Variants in MACROD2 observed in about 807,000 individuals in gnomAD.
MACROD2 encodes mono-ADP ribosylhydrolase 2, also known as ADP-ribose glycohydrolase MACROD2.
Under a neutral mutation model 70.4 loss-of-function variants are expected in MACROD2, and 36 were observed. The ratio of observed to expected loss-of-function variants is 0.51; its 90% CI spans 0.39 to 0.68. MACROD2 has a LOEUF of 0.68. Ranked by LOEUF, MACROD2 falls within the 30% of genes least tolerant of loss-of-function variation. The pLI is 0.00. For missense variants in MACROD2, 496 were observed against 538.4 expected (o/e 0.92, Z 0.78); for synonymous variants, 172 against 178.8 (o/e 0.96, Z 0.30).
chr20:15,016,356 T>C (rs1483910044), intron 5 of MACROD2, among the ~76,000 whole-genome samples: 1 of 152,204 alleles, frequency 6.6e-6, no homozygotes, highest in Non-Finnish European at 1.5e-5. Context: ...GGCTTCAGAC[T>C]GCTGACTCTC....
chr20:15,408,852 G>A (rs956022864), intron 6 of MACROD2, among the ~76,000 whole-genome samples: 40 of 152,154 alleles, frequency 2.6e-4, no homozygotes, highest in African/African-American at 8.4e-4. Context: ...GGTAAAACAC[G>A]TTGATTTGTG....
At chr20:14,274,186 T>C (rs536771032) in intron 3 of MACROD2, among the ~76,000 whole-genome samples, 4 of 151,910 alleles carry the variant, frequency 2.6e-5, no homozygotes, top group Non-Finnish European at 1.5e-5. Context: ...GGCAGAGACA[T>C]AGCCAAAAAA....
chr20:14,481,430 A>T (rs2084662214), intron 3 of MACROD2, among the ~76,000 whole-genome samples: 1 of 152,138 alleles, frequency 6.6e-6, no homozygotes. Flanking sequence ...GTGAGATCAA[A>T]ATTGCTGATT....
chr20:14,780,474 A>G (rs563988264), intron 5 of MACROD2, among the ~76,000 whole-genome samples: 26 of 151,610 alleles, frequency 1.7e-4, no homozygotes, highest in Admixed American at 3.3e-4. Context: ...AGGCAGGAGA[A>G]TCGCTTGAAC....
intron 10 of MACROD2, among the ~76,000 whole-genome samples, chr20:15,891,105 C>T (rs1321997480): frequency 6.6e-6 from 1 of 152,080 alleles, no homozygotes; most frequent in East Asian, 1.9e-4. Context: ...GAGAGATTTC[C>T]TTTCTGGTGA....
chr20:15,077,658 A>T (rs2075668509), intron 5 of MACROD2, among the ~76,000 whole-genome samples: 1 of 152,140 alleles, frequency 6.6e-6, no homozygotes, highest in Non-Finnish European at 1.5e-5. Flanking sequence ...GTTTGATTTG[A>T]TTAATCCTTA....
At chr20:14,448,687 A>G (rs2084211572) in intron 3 of MACROD2, among the ~76,000 whole-genome samples, 1 of 152,054 alleles carries the variant, frequency 6.6e-6, no homozygotes, top group East Asian at 1.9e-4. Context: ...AAAGAAAGAA[A>G]GAAAGAAAGA....
chr20:15,373,895 C>A (rs572417047), intron 6 of MACROD2, among the ~76,000 whole-genome samples: 89 of 152,110 alleles, frequency 5.9e-4, no homozygotes, highest in African/African-American at 1.8e-3. Context: ...TTGACATTTT[C>A]ATCTTTTACA....
intron 8 of MACROD2, among the ~76,000 whole-genome samples, chr20:15,823,300 G>GTA (rs1440789207): frequency 6.9e-6 from 1 of 145,672 alleles, no homozygotes; most frequent in Non-Finnish European, 1.5e-5. Context: ...GTGTGTGTGT[G>GTA]TGTGTGTGTG....
At chr20:15,683,602 A>G (rs968158420) in intron 8 of MACROD2, among the ~76,000 whole-genome samples, 2 of 152,068 alleles carry the variant, frequency 1.3e-5, no homozygotes, top group African/African-American at 4.8e-5. Context: ...TTTTTGAGAC[A>G]AAGTCTCACT....
chr20:15,675,474 C>A (rs2050044322), intron 8 of MACROD2, among the ~76,000 whole-genome samples: 3 of 152,164 alleles, frequency 2.0e-5, no homozygotes, highest in African/African-American at 7.2e-5. Context: ...AAGCCAGCTA[C>A]ATTGAATTTT....
intron 4 of MACROD2, among the ~76,000 whole-genome samples, chr20:14,608,392 G>A (rs919626368): frequency 6.6e-6 from 1 of 151,966 alleles, no homozygotes; most frequent in Non-Finnish European, 1.5e-5. Flanking sequence ...ATCCTATTTT[G>A]CTATTTACTG....
At chr20:14,407,120 G>GGA (rs1555788842) in intron 3 of MACROD2, among the ~76,000 whole-genome samples, 4 of 148,846 alleles carry the variant, frequency 2.7e-5, no homozygotes, top group Non-Finnish European at 3.0e-5. Context: ...TAGTGGCAAT[G>GGA]AAAAAAAAAA....
intron 5 of MACROD2, among the ~76,000 whole-genome samples, chr20:15,134,232 A>C (rs1243814283): frequency 7.0e-6 from 1 of 143,442 alleles, no homozygotes; most frequent in Admixed American, 6.9e-5. Context: ...AGGTCTTCCA[A>C]CCTTGCCCGA....
At chr20:14,885,309 G>C (rs1041241642) in intron 5 of MACROD2, among the ~76,000 whole-genome samples, 1 of 151,700 alleles carries the variant, frequency 6.6e-6, no homozygotes, top group South Asian at 2.1e-4. Flanking sequence ...AATCTTTATT[G>C]CATATAATTA....
chr20:15,431,014 G>A (rs1600401435), intron 6 of MACROD2, among the ~76,000 whole-genome samples: 1 of 151,544 alleles, frequency 6.6e-6, no homozygotes, highest in Non-Finnish European at 1.5e-5. Context: ...ACATACGACA[G>A]ACACACATAA....
intron 8 of MACROD2, among the ~76,000 whole-genome samples, chr20:15,708,795 CAGG>C (rs1457554389): frequency 6.6e-6 from 1 of 151,860 alleles, no homozygotes; most frequent in African/African-American, 2.4e-5. Flanking sequence ...GGAGCTGAGG[CAGG>C]AGGATTGTTT....
intron 5 of MACROD2, among the ~76,000 whole-genome samples, chr20:15,066,826 G>A (rs1158999588): frequency 6.6e-6 from 1 of 151,058 alleles, no homozygotes; most frequent in Non-Finnish European, 1.5e-5. Flanking sequence ...AGGTTGCAGT[G>A]AGCCAAGACT....
intron 8 of MACROD2, among the ~76,000 whole-genome samples, chr20:15,517,154 A>T (rs1254318623): frequency 1.1e-4 from 16 of 152,160 alleles, no homozygotes; most frequent in Admixed American, 1.0e-3. Flanking sequence ...GTTACTAAAA[A>T]GTCCCGGTGG....
Sources: allele counts gnomAD v4.1 joint callset (sites outside exome capture counted in the v4.1 genomes callset), GRCh38; gene constraint gnomAD v4.1.1; transcripts MANE v1.5; gene names NCBI Gene and HGNC (gene_info 2026-07-23, HGNC 2026-07-21).